CDH13: variants seen among roughly 807,000 people sequenced by gnomAD.
The protein encoded by CDH13 is cadherin-13.
In CDH13, 24 loss-of-function variants were observed where a neutral mutation model predicts 63.8. The observed-to-expected ratio is 0.38, with a 90% CI of 0.27 to 0.53. CDH13 has a LOEUF of 0.53. Ranked by LOEUF, CDH13 falls within the 20% of genes least tolerant of loss-of-function variation. The pLI, the probability that CDH13 is intolerant of heterozygous loss-of-function variation, is 0.85. For missense variants in CDH13, 1,049 were observed against 903.1 expected, an observed-to-expected ratio of 1.16 and a Z score of -2.07; for synonymous variants, 503 against 355.3, an observed-to-expected ratio of 1.42 and a Z score of -4.67.
rs568712907 is a variant in CDH13 at position 83,690,044 on chromosome 16, G to GCGTGGTGGTGCA, written c.1538+11585_1538+11586insTGGTGGTGCACG. ...CTACTAAAAATACAAAATTAGCCGGGCGCCTGTAATCCCAGCTACTTGGGA... is the reference window on the plus strand; with the variant it reads ...CTACTAAAAATACAAAATTAGCCGGGCGTGGTGGTGCACGCCTGTAATCCCAGCTACTTGGGA... On this transcript the variant is annotated intron_variant, in intron 10 of 13. Coordinates refer to ENST00000567109, the MANE Select transcript of CDH13 (RefSeq NM_001257.5). 9.0e-3 allele frequency among the ~76,000 whole-genome samples: 1,362 copies of GCGTGGTGGTGCA among 152,108 alleles called. 60 individuals carry two copies. The highest frequency in any genetic ancestry group is 0.07 in the Admixed American group (1,069 of 15,268).
chr16:82,751,996 C>A (rs1022256904), intron 1 of CDH13, among the ~76,000 whole-genome samples: 3 of 152,182 alleles, frequency 2.0e-5, no homozygotes, highest in Non-Finnish European at 4.4e-5. Context: ...CAAACAATGA[C>A]CATGTCTAAG....
At chr16:82,796,557 G>T (rs752700481) in intron 1 of CDH13, among the ~76,000 whole-genome samples, 1 of 152,168 alleles carries the variant, frequency 6.6e-6, no homozygotes, top group East Asian at 1.9e-4. Context: ...TTCCCAGGAG[G>T]TGTCTTTTTA....
At chr16:82,999,092 G>A (rs540884109) in intron 2 of CDH13, among the ~76,000 whole-genome samples, 73 of 152,104 alleles carry the variant, frequency 4.8e-4, no homozygotes, top group African/African-American at 1.7e-3. Context: ...GAAGTCCATC[G>A]CTCTGGTGAA....
At chr16:83,237,196 G>C (rs574880649) in intron 5 of CDH13, among the ~76,000 whole-genome samples, 51 of 152,306 alleles carry the variant, frequency 3.3e-4, no homozygotes, top group African/African-American at 1.2e-3. Context: ...CTCAAGAGAA[G>C]GTCACCAAGG....
At chr16:83,312,990 G>A (rs1485184265) in intron 5 of CDH13, among the ~76,000 whole-genome samples, 1 of 152,182 alleles carries the variant, frequency 6.6e-6, no homozygotes, top group Non-Finnish European at 1.5e-5. Flanking sequence ...GGAGTCACTA[G>A]AAGGATCACA....
intron 8 of CDH13, among the ~76,000 whole-genome samples, 185 bp from the exon 9 acceptor site, chr16:83,670,605 C>A (rs945002822): frequency 6.6e-6 from 1 of 152,224 alleles, no homozygotes. Context: ...AGAAGTTAGT[C>A]TCGTGGCCTC....
At chr16:83,031,373 T>TAC (rs1485256664) in intron 2 of CDH13, among the ~76,000 whole-genome samples, 5 of 70,164 alleles carry the variant, frequency 7.1e-5, no homozygotes, top group Non-Finnish European at 1.4e-4. Context: ...TACATGTATA[T>TAC]GTATACACGT....
chr16:83,441,405 G>A (rs2072476376), intron 6 of CDH13, among the ~76,000 whole-genome samples: 1 of 152,234 alleles, frequency 6.6e-6, no homozygotes, highest in Non-Finnish European at 1.5e-5. Context: ...TATGTTAAAT[G>A]TATGTAAAAC....
chr16:83,119,013 A>G lies in CDH13; in HGVS notation c.367-6372A>G, dbSNP rs545127898. ...CATAGCTCTCCTTTTCTTCTATGCC[A>G]GAGTCCTCACTGTCCATGTAATCGC... On this transcript the variant is annotated intron_variant, in intron 3 of 13. Transcript: ENST00000567109. 8.5e-5 allele frequency among the ~76,000 whole-genome samples: 13 copies of G among 152,296 alleles called. No individual in the cohort carries two copies. The South Asian group carries it at 2.7e-3, about 32-fold the overall frequency.
intron 3 of CDH13, among the ~76,000 whole-genome samples, chr16:83,081,911 C>T (rs140091876): frequency 2.0e-5 from 3 of 152,184 alleles, no homozygotes; most frequent in Non-Finnish European, 4.4e-5. Context: ...AGCAATCCTC[C>T]TGCCTCAGGC....
At chr16:83,749,958 G>A (rs1597173216) in intron 11 of CDH13, among the ~76,000 whole-genome samples, 1 of 152,276 alleles carries the variant, frequency 6.6e-6, no homozygotes, top group African/African-American at 2.4e-5. Context: ...CTTCTGATTG[G>A]TTAGCCTTAA....
chr16:83,089,912 G>A (rs10438638), intron 3 of CDH13, among the ~76,000 whole-genome samples: 19 of 151,844 alleles, frequency 1.3e-4, no homozygotes, highest in Non-Finnish European at 2.6e-4. Flanking sequence ...CATTTATAAC[G>A]ACATCCTAAG....
chr16:82,865,404 C>T (rs906359593), intron 2 of CDH13, among the ~76,000 whole-genome samples: 1 of 152,230 alleles, frequency 6.6e-6, no homozygotes, highest in African/African-American at 2.4e-5. Flanking sequence ...TTCCATTAAG[C>T]CTCTGAAATC....
intron 7 of CDH13, among the ~76,000 whole-genome samples, chr16:83,530,006 G>T (rs4782812): frequency 0.76 from 114,935 of 152,030 alleles, 49,285 homozygotes; most frequent in Non-Finnish European, 0.95. Context: ...CTTCTCTGGA[G>T]TTGCAAGCAG....
At chr16:82,897,816 T>A (rs989039607) in intron 2 of CDH13, among the ~76,000 whole-genome samples, 1 of 152,278 alleles carries the variant, frequency 6.6e-6, no homozygotes, top group African/African-American at 2.4e-5. Flanking sequence ...GATGTGCCTT[T>A]ATGAGTTTAT....
intron 1 of CDH13, among the ~76,000 whole-genome samples, chr16:82,815,104 C>T (rs929653696): frequency 6.6e-6 from 1 of 151,990 alleles, no homozygotes; most frequent in Non-Finnish European, 1.5e-5. Context: ...GTAGGCTCAG[C>T]TGAAAACATC....
chr16:82,826,992 G>A (rs1238580623), intron 1 of CDH13, among the ~76,000 whole-genome samples: 1 of 152,166 alleles, frequency 6.6e-6, no homozygotes, highest in Non-Finnish European at 1.5e-5. Context: ...GCTGGCTTTG[G>A]AAGAATTCAT....
At chr16:83,719,608 C>T (rs1329379575) in intron 10 of CDH13, among the ~76,000 whole-genome samples, 4 of 152,190 alleles carry the variant, frequency 2.6e-5, no homozygotes, top group South Asian at 4.1e-4. Context: ...CTGCATACCA[C>T]GTGCAGTTAT....
intron 7 of CDH13, among the ~76,000 whole-genome samples, chr16:83,520,502 T>C (rs1254069581): frequency 6.6e-6 from 1 of 152,180 alleles, no homozygotes; most frequent in Admixed American, 6.5e-5. Flanking sequence ...GCTTGGGCTG[T>C]GTTTGGCCTT....
Sources: gnomAD v4.1 joint callset for allele counts (sites outside exome capture counted in the v4.1 genomes callset) on GRCh38, gnomAD v4.1.1 for gene constraint, MANE v1.5 for transcripts, NCBI Gene and HGNC (gene_info 2026-07-23, HGNC 2026-07-21) for gene names.